DNAH17: variants seen among roughly 807,000 people sequenced by gnomAD.
DNAH17 encodes axonemal beta dynein heavy chain 17.
Under a neutral mutation model 485.6 loss-of-function variants are expected in DNAH17, and 376 were observed. The ratio of observed to expected loss-of-function variants is 0.77; its 90% confidence interval spans 0.71 to 0.84. The LOEUF (loss-of-function observed/expected upper bound fraction) is 0.84, where lower values mean the gene tolerates loss of function less well. DNAH17 is among the 40% of genes least tolerant of loss of function. The pLI, the probability that DNAH17 is intolerant of heterozygous loss-of-function variation, is 0.00. For synonymous variants in DNAH17, 3,031 were observed against 2,405.9 expected (o/e 1.26, Z -7.60); for missense variants, 6,370 against 5,839.3 (o/e 1.09, Z -2.96).
At chr17:78,523,404 G>A (rs1247342859) in intron 25 of DNAH17, among the ~76,000 whole-genome samples, 10 of 152,066 alleles carry the variant, frequency 6.6e-5, no homozygotes, top group South Asian at 2.1e-4. Flanking sequence ...GATTACAGGC[G>A]TGAGCCACCC....
At chr17:78,442,813 G>A (rs1472602316) in intron 71 of DNAH17, among the ~76,000 whole-genome samples, 2 of 152,208 alleles carry the variant, frequency 1.3e-5, no homozygotes, top group African/African-American at 4.8e-5. Context: ...CGTGGGGGTG[G>A]CCTGGCCTGC....
intron 22 of DNAH17, among the ~76,000 whole-genome samples, chr17:78,527,930 C>A (rs1162189446): frequency 1.3e-5 from 2 of 152,124 alleles, no homozygotes; most frequent in African/African-American, 4.8e-5. Context: ...AGGCGCCTGC[C>A]ACCACGCCTG....
chr17:78,517,672 A>G (rs1030057497), intron 25 of DNAH17, among the ~76,000 whole-genome samples: 1 of 152,100 alleles, frequency 6.6e-6, no homozygotes, highest in Non-Finnish European at 1.5e-5. Flanking sequence ...ACCTACCCAA[A>G]TTCCCATTTC....
chr17:78,483,997 G>A (rs753788679), intron 48 of DNAH17, among the ~76,000 whole-genome samples: 12 of 147,252 alleles, frequency 8.1e-5, no homozygotes, highest in Non-Finnish European at 1.5e-4. Context: ...TCAGGAGGCT[G>A]AGGAAGGAGA....
chr17:78,442,123 C>T (rs747996394), intron 71 of DNAH17, among the ~76,000 whole-genome samples: 13 of 151,956 alleles, frequency 8.6e-5, no homozygotes, highest in Non-Finnish European at 1.2e-4. Flanking sequence ...GCCAGCTGGT[C>T]TCTGAAAGGA....
intron 11 of DNAH17, among the ~76,000 whole-genome samples, chr17:78,565,572 G>A (rs1053400933): frequency 3.9e-5 from 6 of 152,138 alleles, no homozygotes; most frequent in African/African-American, 9.7e-5. Flanking sequence ...GAGCTGGTCC[G>A]GCTAAACTGT....
chr17:78,541,724 T>TC (rs1387890793), intron 17 of DNAH17, among the ~76,000 whole-genome samples: 1 of 152,072 alleles, frequency 6.6e-6, no homozygotes, highest in Non-Finnish European at 1.5e-5. Context: ...CAGTCCTGCC[T>TC]CCTCGCCTGC....
At chr17:78,469,977 C>T (rs982200057) in intron 54 of DNAH17, among the ~76,000 whole-genome samples, 2 of 151,644 alleles carry the variant, frequency 1.3e-5, no homozygotes, top group African/African-American at 4.9e-5. Flanking sequence ...ATGAAAGGGT[C>T]CTGGAGAGGG....
In DNAH17 at chr17:78,462,777, C is replaced by G. The variant is rs1598492311; in HGVS notation, c.9174+67G>C. The G allele has an allele frequency of 2.6e-6, 4 of 1,515,742 alleles. No homozygotes were observed. The East Asian group carries it at 9.2e-5, about 35-fold the overall frequency. 93.9% of individuals were successfully genotyped at this position (1,515,742 alleles called of 1,614,324 possible). A position where few individuals can be genotyped will look rare whatever the true frequency, so the allele number is the denominator to read the frequency against. On this transcript the variant is annotated intron_variant, in intron 57 of 80. Transcript: ENST00000389840. The stretch of plus-strand genomic sequence containing the variant: ...GTGACCAGCCCGTGGATGCCTGTGA[C>G]AGTAGCAGCTCCTGCGAGGCCTCCA...
At chr17:78,522,313 CA>C in intron 25 of DNAH17, 1 of 274,906 alleles carries the variant, frequency 3.6e-6, no homozygotes, top group Non-Finnish European at 7.3e-6. Flanking sequence ...CAAGTCCAAC[CA>C]GGACCCTCAG....
chr17:78,556,039 G>A (rs963044142), intron 14 of DNAH17, among the ~76,000 whole-genome samples: 6 of 152,088 alleles, frequency 3.9e-5, no homozygotes, highest in Non-Finnish European at 5.9e-5. Context: ...CTGTAATTGC[G>A]TGAGGCAATT....
chr17:78,525,222 TC>T lies in DNAH17; in HGVS notation c.3712-62del, dbSNP rs1212933135. On this transcript the variant is annotated intron_variant, in intron 24 of 80. Coordinates refer to ENST00000389840, the MANE Select transcript of DNAH17 (RefSeq NM_173628.4). The stretch of plus-strand genomic sequence containing the variant: ...TACCCTCAGCGGTGCCCCACCCCAC[TC>T]CCCGACGTTCTGCCCGTCTCTCCAG... 3.8e-6 allele frequency: 6 copies of T among 1,570,788 alleles called. No individual in the cohort carries two copies. The African/African-American group carries it at 8.1e-5, about 21-fold the overall frequency.
chr17:78,499,050 A>C lies in DNAH17; in HGVS notation c.5703T>G (p.Phe1901Leu). ...ACAAGACTTCCACTGAGATGCGATTAAACTCGTCAAAGCAGCCCCAGGCTC... is the reference window on the plus strand; with the variant it reads ...ACAAGACTTCCACTGAGATGCGATTCAACTCGTCAAAGCAGCCCCAGGCTC... ...QTGAWGCFDE[F>L]NRISVEVLSV... The change falls in exon 37 of 81, where the codon TTT (phenylalanine) becomes TTG (leucine). Residue 1901 changes from phenylalanine to leucine, a missense_variant. Physicochemically the swap from Phe to Leu is conservative, Grantham distance 22. Transcript: ENST00000389840. 1 of 1,611,120 alleles carries C rather than the reference A, an allele frequency of 6.2e-7. No homozygotes were observed. The highest frequency in any genetic ancestry group is 2.2e-5 in the East Asian group (1 of 44,576).
chr17:78,569,118 G>C (rs1366809098), intron 9 of DNAH17, 48 bp downstream of exon 9: 16 of 1,448,602 alleles, frequency 1.1e-5, no homozygotes, highest in Non-Finnish European at 1.5e-5. Context: ...CCTAGGGTAG[G>C]AGCAGTCTGG....
chr17:78,508,639 G>A (rs1205238571), intron 27 of DNAH17, among the ~76,000 whole-genome samples: 3 of 152,208 alleles, frequency 2.0e-5, no homozygotes, highest in Non-Finnish European at 2.9e-5. Context: ...AAGTGTGGAA[G>A]AGGGGGATCT....
At chr17:78,466,031 C>T (rs1016010298) in intron 56 of DNAH17, among the ~76,000 whole-genome samples, 4 of 152,048 alleles carry the variant, frequency 2.6e-5, no homozygotes, top group African/African-American at 7.2e-5. Context: ...GGATGGTTGC[C>T]GTGTCTGTGT....
At chr17:78,542,259 T>TCA (rs1178293275) in intron 17 of DNAH17, among the ~76,000 whole-genome samples, 1 of 151,892 alleles carries the variant, frequency 6.6e-6, no homozygotes, top group Non-Finnish European at 1.5e-5. Flanking sequence ...GCAATTCTCC[T>TCA]GCCTCAGCCT....
At chr17:78,474,859 G>A (rs952112590) in intron 54 of DNAH17, among the ~76,000 whole-genome samples, 14 of 151,508 alleles carry the variant, frequency 9.2e-5, no homozygotes, top group African/African-American at 3.2e-4. Context: ...AGTCATGCGG[G>A]CCGGAAGATT....
chr17:78,485,400 C>G (rs2089555544), intron 47 of DNAH17, 150 bp downstream of exon 47: 5 of 785,148 alleles, frequency 6.4e-6, no homozygotes, highest in Non-Finnish European at 1.0e-5. Context: ...GTCTCCGACT[C>G]AGGAAGGAAA....
Sources: allele counts gnomAD v4.1 joint callset (sites outside exome capture counted in the v4.1 genomes callset), GRCh38; gene constraint gnomAD v4.1.1; transcripts MANE v1.5; gene names NCBI Gene and HGNC (gene_info 2026-07-23, HGNC 2026-07-21).